The following ALOX5 variants were observed in gnomAD, a reference collection of about 807,000 sequenced individuals.
ALOX5 encodes the protein arachidonate 5-lipoxygenase.
ALOX5 carries 64 observed loss-of-function variants against 87.9 expected under a neutral mutation model. That is an observed-to-expected ratio of 0.73 (90% CI 0.60 to 0.90). The LOEUF is 0.90. Ranked by LOEUF, ALOX5 falls within the 40% of genes least tolerant of loss-of-function variation. ALOX5 has a pLI of 0.00. For synonymous variants in ALOX5, 388 were observed against 355.1 expected, an observed-to-expected ratio of 1.09 and a Z score of -1.04; for missense variants, 822 against 907.5, an observed-to-expected ratio of 0.91 and a Z score of 1.21.
At chr10:45,378,119 A>G (rs909900804) in intron 1 of ALOX5, among the ~76,000 whole-genome samples, 1 of 152,044 alleles carries the variant, frequency 6.6e-6, no homozygotes, top group South Asian at 2.1e-4. Flanking sequence ...ACCCATGCCC[A>G]TCCTCCTACT....
At chr10:45,444,329 G>C in intron 13 of ALOX5, 43 bp downstream of exon 13, 1 of 1,514,418 alleles carries the variant, frequency 6.6e-7, no homozygotes. Flanking sequence ...GTCACCCCAG[G>C]TTAAGCGGTT....
chr10:45,400,087 C>T (rs1001171496), intron 3 of ALOX5, among the ~76,000 whole-genome samples: 2 of 152,186 alleles, frequency 1.3e-5, no homozygotes, highest in South Asian at 2.1e-4. Context: ...AGTGGTTCCT[C>T]AAAATCTGAA....
At chr10:45,406,850 C>A (rs756428489) in intron 3 of ALOX5, among the ~76,000 whole-genome samples, 1 of 152,146 alleles carries the variant, frequency 6.6e-6, no homozygotes, top group Non-Finnish European at 1.5e-5. Context: ...CACTGATATT[C>A]TTTTCTTATT....
chr10:45,444,878 G>A (rs1172398476), intron 13 of ALOX5: 1 of 154,170 alleles, frequency 6.5e-6, no homozygotes, highest in East Asian at 1.9e-4. Context: ...CTTGGTCAAA[G>A]AATATTGATA....
intron 2 of ALOX5, among the ~76,000 whole-genome samples, chr10:45,391,439 G>T (rs1283671373): frequency 1.3e-5 from 2 of 152,114 alleles, no homozygotes; most frequent in Non-Finnish European, 2.9e-5. Flanking sequence ...ATCTCGGCTC[G>T]CTACAACCTC....
At chr10:45,417,881 T>C (rs918421504) in intron 4 of ALOX5, among the ~76,000 whole-genome samples, 5 of 152,116 alleles carry the variant, frequency 3.3e-5, no homozygotes, top group African/African-American at 1.2e-4. Context: ...GAGGGGCCCC[T>C]TCTTGCAGAA....
intron 6 of ALOX5, chr10:45,428,413 A>G (rs1841803708): frequency 1.6e-6 from 1 of 613,644 alleles, no homozygotes; most frequent in Non-Finnish European, 2.7e-6. Flanking sequence ...CCATTCCTTC[A>G]TCTTACCCCG....
At chr10:45,422,412 A>C (rs1841534872) in intron 4 of ALOX5, among the ~76,000 whole-genome samples, 1 of 152,164 alleles carries the variant, frequency 6.6e-6, no homozygotes, top group Non-Finnish European at 1.5e-5. Context: ...GTCCAGGCAG[A>C]GCACTGGGTC....
intron 7 of ALOX5, among the ~76,000 whole-genome samples, chr10:45,439,526 G>A (rs187568125): frequency 9.2e-5 from 14 of 152,278 alleles, no homozygotes; most frequent in Non-Finnish European, 1.5e-4. Flanking sequence ...GCCGGCTCCC[G>A]TGAGAACTCA....
In ALOX5 at chr10:45,440,594, A is replaced by G; in HGVS notation, c.1146A>G (p.Ala382=). Reference sequence around the variant, plus strand: ...TGGTGTCTGAGGTTTTTGGCATTGCAATGTACCGCCAGCTGCCTGCTGTGC... The same window carrying G: ...TGGTGTCTGAGGTTTTTGGCATTGCGATGTACCGCCAGCTGCCTGCTGTGC... ...THLVSEVFGI[A]MYRQLPAVHP... Residue 382 remains alanine, a synonymous_variant, in exon 8 of 14, where the codon GCA becomes GCG. Coordinates refer to ENST00000374391, the MANE Select transcript of ALOX5 (RefSeq NM_000698.5). The G allele has an allele frequency of 6.2e-7, 1 of 1,614,140 alleles. No homozygotes were observed. Among genetic ancestry groups the G allele is most frequent in the Non-Finnish European group, 8.5e-7 (1 of 1,180,022 alleles).
chr10:45,377,119 T>A (rs1418257859), intron 1 of ALOX5, among the ~76,000 whole-genome samples: 1 of 152,228 alleles, frequency 6.6e-6, no homozygotes, highest in East Asian at 1.9e-4. Flanking sequence ...GTTTAATATA[T>A]GATACTTGAA....
At chr10:45,436,940 T>C (rs2132842925) in intron 7 of ALOX5, among the ~76,000 whole-genome samples, 1 of 152,334 alleles carries the variant, frequency 6.6e-6, no homozygotes, top group Middle Eastern at 3.4e-3. Flanking sequence ...TTCACCTCCT[T>C]GGCTGGATAC....
intron 2 of ALOX5, among the ~76,000 whole-genome samples, chr10:45,387,129 TATC>T (rs1840035770): frequency 6.6e-6 from 1 of 152,182 alleles, no homozygotes; most frequent in Non-Finnish European, 1.5e-5. Context: ...AAGTAGGCAT[TATC>T]ATCTCCATTT....
At chr10:45,385,973 C>T (rs1159647934) in intron 2 of ALOX5, among the ~76,000 whole-genome samples, 2 of 151,900 alleles carry the variant, frequency 1.3e-5, no homozygotes, top group South Asian at 2.1e-4. Context: ...GTGGCTAAGG[C>T]GGGAGGATTG....
chr10:45,396,273 G>C (rs766880801), intron 3 of ALOX5, among the ~76,000 whole-genome samples: 8 of 152,170 alleles, frequency 5.3e-5, no homozygotes, highest in Non-Finnish European at 1.2e-4. Context: ...TTATAAAAGT[G>C]ATACATGATC....
chr10:45,401,331 T>C (rs1219967029), intron 3 of ALOX5, among the ~76,000 whole-genome samples: 1 of 152,166 alleles, frequency 6.6e-6, no homozygotes, highest in African/African-American at 2.4e-5. Flanking sequence ...ACAAGGAATA[T>C]GTAGTATATC....
In ALOX5 at chr10:45,425,143, A is replaced by T; in HGVS notation, c.834+11A>T. The T allele has an allele frequency of 1.9e-6, 3 of 1,611,248 alleles. No homozygotes were observed. Among genetic ancestry groups the T allele is most frequent in the African/African-American group, 1.3e-5 (1 of 74,982 alleles). On this transcript the variant is annotated intron_variant, in intron 6 of 13. Transcript: ENST00000374391. The surrounding 1 kb of genome is among the most constrained non-coding windows in gnomAD (Gnocchi z 4.4). ...GAGCAGGAGGTCCAGGTAGGGGTTG[A>T]TGGGCTGGGGAAGTGGCCAAGGTCA... is the stretch of plus-strand genomic sequence containing the variant.
intron 5 of ALOX5, 41 bp from the exon 6 acceptor site, chr10:45,424,919 C>T (rs747310532): frequency 6.2e-7 from 1 of 1,610,012 alleles, no homozygotes; most frequent in South Asian, 1.1e-5. Flanking sequence ...TGGCTGCCCT[C>T]TACTCAGAGC....
intron 7 of ALOX5, among the ~76,000 whole-genome samples, chr10:45,431,598 A>C (rs1463499912): frequency 6.6e-6 from 1 of 151,524 alleles, no homozygotes; most frequent in African/African-American, 2.4e-5. Context: ...TTTGAGATGG[A>C]GTTTCGCACT....
Sources: allele counts gnomAD v4.1 joint callset (sites outside exome capture counted in the v4.1 genomes callset), GRCh38; gene constraint gnomAD v4.1.1; non-coding constraint Gnocchi (gnomAD v3.1); transcripts MANE v1.5; gene names NCBI Gene and HGNC (gene_info 2026-07-23, HGNC 2026-07-21).